CFAP251: variants seen among roughly 807,000 people sequenced by gnomAD.
CFAP251 encodes cilia- and flagella-associated protein 251.
A neutral mutation model predicts 126.7 loss-of-function variants in CFAP251; 93 were observed. The observed-to-expected ratio is 0.73, with a 90% CI of 0.62 to 0.87. The LOEUF (loss-of-function observed/expected upper bound fraction) is 0.87, where lower values mean the gene tolerates loss of function less well. Among genes scored for constraint, CFAP251 ranks in the 40% least tolerant of loss-of-function variants. The probability of loss-of-function intolerance (pLI) is 0.00; values close to 1 mark genes in which losing one functional copy is unlikely to be tolerated. For synonymous variants in CFAP251, 503 were observed against 506.9 expected, an observed-to-expected ratio of 0.99 and a Z score of 0.10; for missense variants, 1,287 against 1,389.2, an observed-to-expected ratio of 0.93 and a Z score of 1.17.
At chr12:121,938,508 T>G (rs1214908003) in intron 5 of CFAP251, among the ~76,000 whole-genome samples, 1 of 150,128 alleles carries the variant, frequency 6.7e-6, no homozygotes, top group Middle Eastern at 3.2e-3. Flanking sequence ...ATTTTTTTTT[T>G]TAATAGATAC....
At chr12:121,960,534 A>C (rs780708186) in intron 13 of CFAP251, 51 bp from the exon 14 acceptor site, 168 of 1,600,200 alleles carry the variant, frequency 1.0e-4, no homozygotes, top group Non-Finnish European at 1.4e-4. Flanking sequence ...GATGATTCTT[A>C]ATTTACTAAA....
chr12:121,981,315 T>TAAAAA, intron 19 of CFAP251, among the ~76,000 whole-genome samples: 1 of 131,194 alleles, frequency 7.6e-6, no homozygotes, highest in East Asian at 2.2e-4. Flanking sequence ...CTACAAAAAA[T>TAAAAA]AAAAAAAAAA....
At chr12:121,930,418 C>G (rs958666575) in intron 3 of CFAP251, among the ~76,000 whole-genome samples, 1 of 151,740 alleles carries the variant, frequency 6.6e-6, no homozygotes. Flanking sequence ...ACCTGGGAGG[C>G]GGAGTGAACA....
chr12:121,999,776 G>T lies in CFAP251; in HGVS notation c.3067G>T (p.Asp1023Tyr). ...GEYVDTGKLI[D>Y]KINLPDFLKV... is the part of the protein sequence containing the mutation. ...ATATGTGGACACTGGAAAGCTAATCGACAAGATCAACTTACCAGATTTCCT... is the reference window on the plus strand; with the variant it reads ...ATATGTGGACACTGGAAAGCTAATCTACAAGATCAACTTACCAGATTTCCT... Residue 1023 changes from aspartate (D) to tyrosine (Y), a missense_variant, in exon 20 of 22, where the codon GAC becomes TAC. Coordinates refer to ENST00000288912, the MANE Select transcript of CFAP251 (RefSeq NM_144668.6). 6.2e-7 allele frequency: 1 copy of T among 1,613,538 alleles called. No individual in the cohort carries two copies. Among genetic ancestry groups the T allele is most frequent in the Non-Finnish European group, 8.5e-7 (1 of 1,179,750 alleles).
chr12:121,994,858 A>G (rs1176836756), intron 19 of CFAP251, among the ~76,000 whole-genome samples: 6 of 138,940 alleles, frequency 4.3e-5, no homozygotes, highest in African/African-American at 1.6e-4. Flanking sequence ...AAAACCAGAG[A>G]CCTTTGTTCA....
intron 17 of CFAP251, 109 bp from the exon 18 acceptor site, chr12:121,975,135 A>G (rs1301861581): frequency 3.7e-6 from 3 of 808,794 alleles, no homozygotes; most frequent in South Asian, 1.5e-5. Context: ...CCCTAACTGT[A>G]TCTGTGCTGT....
intron 4 of CFAP251, chr12:121,933,796 G>A (rs1394622893): frequency 1.9e-5 from 3 of 155,304 alleles, no homozygotes; most frequent in African/African-American, 7.2e-5. Context: ...TCTAGTCTGG[G>A]TGACAGAGTG....
At chr12:121,982,019 G>C in intron 19 of CFAP251, among the ~76,000 whole-genome samples, 1 of 152,174 alleles carries the variant, frequency 6.6e-6, no homozygotes, top group Admixed American at 6.5e-5. Context: ...TCTTTGTCAT[G>C]ATATCCCCAT....
At chr12:121,979,912 A>G (rs940798240) in intron 19 of CFAP251, among the ~76,000 whole-genome samples, 1 of 151,962 alleles carries the variant, frequency 6.6e-6, no homozygotes, top group African/African-American at 2.4e-5. Flanking sequence ...AAGTCGACCC[A>G]TTTTCTGGTT....
chr12:122,000,062 C>T (rs1449862366), intron 20 of CFAP251, 118 bp downstream of exon 20: 2 of 957,990 alleles, frequency 2.1e-6, no homozygotes, highest in East Asian at 2.6e-5. Flanking sequence ...GTGATTTGAC[C>T]AGATTTGAGC....
At position 121,999,758 on chromosome 12, in the gene CFAP251, G is replaced by C; in HGVS notation, c.3049G>C (p.Asp1017His). ...FNEIKFGEYV[D>H]TGKLIDKINL... The stretch of plus-strand genomic sequence containing the variant: ...CGAAATCAAATTTGGTGAATATGTG[G>C]ACACTGGAAAGCTAATCGACAAGAT... Residue 1017 changes from aspartate (D) to histidine (H), a missense_variant, in exon 20 of 22, where the codon GAC becomes CAC. Coordinates refer to ENST00000288912, the MANE Select transcript of CFAP251 (RefSeq NM_144668.6). The C allele has an allele frequency of 1.9e-6, 3 of 1,613,056 alleles. No individual in the cohort carries two copies. Among genetic ancestry groups the C allele is most frequent in the Non-Finnish European group, 2.5e-6 (3 of 1,179,226 alleles).
At chr12:121,942,847 C>A (rs769261182) in intron 6 of CFAP251, 48 bp from the exon 7 acceptor site, 1 of 1,599,884 alleles carries the variant, frequency 6.3e-7, no homozygotes, top group Non-Finnish European at 8.6e-7. Flanking sequence ...GTTACTTCAG[C>A]AGACTTCACA....
At chr12:121,985,445 A>G (rs1882722892) in intron 19 of CFAP251, among the ~76,000 whole-genome samples, 1 of 151,512 alleles carries the variant, frequency 6.6e-6, no homozygotes, top group African/African-American at 2.4e-5. Context: ...GAGGCAGGAG[A>G]ATCGCTTGAA....
chr12:121,930,748 CTTTT>C (rs72062810), intron 3 of CFAP251, among the ~76,000 whole-genome samples: 17 of 109,864 alleles, frequency 1.5e-4, no homozygotes, highest in Non-Finnish European at 2.0e-4. Flanking sequence ...AATTGCCTTT[CTTTT>C]TTTTTTTTTT....
At chr12:121,984,451 C>T (rs1462713728) in intron 19 of CFAP251, among the ~76,000 whole-genome samples, 12 of 152,042 alleles carry the variant, frequency 7.9e-5, no homozygotes, top group Non-Finnish European at 1.5e-4. Context: ...AGACTACAGG[C>T]GCCCACCACC....
At chr12:121,958,918 A>T (rs373766900) in intron 12 of CFAP251, 25 bp from the exon 13 acceptor site, 2 of 1,562,060 alleles carry the variant, frequency 1.3e-6, no homozygotes, top group African/African-American at 2.8e-5. Context: ...ATCCTTTTCC[A>T]TCGTTCTCTG....
chr12:122,002,256 G>A (rs1883167518), intron 21 of CFAP251, among the ~76,000 whole-genome samples: 1 of 152,044 alleles, frequency 6.6e-6, no homozygotes, highest in African/African-American at 2.4e-5. Flanking sequence ...TTGGGAGGCT[G>A]GGGCAGGAGA....
chr12:121,980,357 C>T (rs140138973), intron 19 of CFAP251, among the ~76,000 whole-genome samples: 7 of 151,882 alleles, frequency 4.6e-5, no homozygotes, highest in East Asian at 1.9e-4. Flanking sequence ...GTGGCTTCCA[C>T]GGAATTCTGA....
intron 19 of CFAP251, among the ~76,000 whole-genome samples, chr12:121,981,704 G>T (rs757442089): frequency 2.6e-5 from 4 of 152,196 alleles, no homozygotes; most frequent in Admixed American, 2.0e-4. Context: ...CGTGCCTCTC[G>T]CAGTTCCTGT....
Sources: gnomAD v4.1 joint callset for allele counts (sites outside exome capture counted in the v4.1 genomes callset) on GRCh38, gnomAD v4.1.1 for gene constraint, MANE v1.5 for transcripts, NCBI Gene and HGNC (gene_info 2026-07-23, HGNC 2026-07-21) for gene names.